The following INTS3 variants were observed in gnomAD, a reference collection of about 807,000 sequenced individuals.
The protein encoded by INTS3 is integrator complex subunit 3, also known as SOSS complex subunit A.
INTS3 carries 34 observed loss-of-function variants against 146.3 expected under a neutral mutation model. The observed-to-expected ratio is 0.23, with a 90% confidence interval of 0.18 to 0.31. INTS3 has a LOEUF of 0.31. Ranked by LOEUF, INTS3 falls within the 10% of genes least tolerant of loss-of-function variation. The probability of loss-of-function intolerance (pLI) is 1.00; values close to 1 mark genes in which losing one functional copy is unlikely to be tolerated. For missense variants in INTS3, 757 were observed against 1,304.2 expected (o/e 0.58, Z 6.46); for synonymous variants, 475 against 494.9 (o/e 0.96, Z 0.53).
In INTS3 at chr1:153,772,434, C is replaced by T; in HGVS notation, c.2815C>T (p.Gln939Ter). 6.2e-7 allele frequency: 1 copy of T among 1,614,192 alleles called. No homozygotes were observed. Among genetic ancestry groups the T allele is most frequent in the Non-Finnish European group, 8.5e-7 (1 of 1,180,042 alleles). Residue 939 changes from glutamine to a stop codon, truncating the protein, a stop_gained, in exon 27 of 30, where the codon CAG becomes TAG. Coordinates refer to ENST00000318967, the MANE Select transcript of INTS3 (RefSeq NM_023015.5). LOFTEE classifies it high-confidence loss of function. The surrounding 1 kb of genome is among the most constrained non-coding windows in gnomAD (Gnocchi z 4.6). ...GCGGCTCAACCTGACCAACACCAAG[C>T]AGAACTGTATGCCTTCCACCCTCGG... Reference protein sequence around the residue: ...NLRLNLTNTKQNFFSQTPILQ... With the variant: ...NLRLNLTNTK
rs984475247 is a variant in INTS3, at chr1:153,764,768, C to T, written c.1970+34C>T. ...GCAGCTATAGGAGATACTGTTCTAC[C>T]CTCCATCCTCCCTGACAGCACACAC... On this transcript the variant is annotated intron_variant, in intron 19 of 29. Transcript: ENST00000318967. 15 of 1,567,550 alleles carry T rather than the reference C, an allele frequency of 9.6e-6. No homozygotes were observed. The Admixed American group carries it at 1.8e-4, about 19-fold the overall frequency.
chr1:153,742,483 T>TGTGTGTGTGTGC (rs1184153088), intron 3 of INTS3, among the ~76,000 whole-genome samples: 1 of 147,778 alleles, frequency 6.8e-6, no homozygotes, highest in African/African-American at 2.5e-5. Context: ...AATCTCTGTG[T>TGTGTGTGTGTGC]GTGTGTGTGT....
chr1:153,767,843 C>T lies in INTS3; in HGVS notation c.2244+16C>T, dbSNP rs760003446. The T allele has an allele frequency of 5.2e-5, 82 of 1,591,044 alleles. No homozygotes were observed. The highest frequency in any genetic ancestry group is 6.4e-5 in the Non-Finnish European group (75 of 1,166,956). ...CTACACAGAGGTCAGTGCCTGCATC[C>T]GTATCTGTGCCGGGGGGCTCACAGG... On this transcript the variant is annotated intron_variant, in intron 21 of 29. Transcript: ENST00000318967.
Position 153,767,750 on chromosome 1 carries a change from C to T in INTS3, c.2167C>T (p.Leu723=). The T allele has an allele frequency of 6.2e-7, 1 of 1,613,468 alleles. No homozygotes were observed. Among genetic ancestry groups the T allele is most frequent in the Non-Finnish European group, 8.5e-7 (1 of 1,179,686 alleles). The change falls in exon 21 of 30, where the codon CTG becomes TTG. Residue 723 remains leucine, a synonymous_variant. Coordinates refer to ENST00000318967, the MANE Select transcript of INTS3 (RefSeq NM_023015.5). The stretch of plus-strand genomic sequence containing the variant: ...CCAGCTGGGCGATCTGCACACCTGC[C>T]TGATGATGGACATGAAGGCCTGCCA... ...ATQLGDLHTC[L]MMDMKACQED... is the part of the protein sequence containing the mutation.
At chr1:153,753,808 A>T (rs935876200) in intron 8 of INTS3, 1 of 152,214 alleles carries the variant, frequency 6.6e-6, no homozygotes, top group African/African-American at 2.4e-5. Flanking sequence ...GGCACCTGCC[A>T]TCATGCCCAG....
intron 1 of INTS3, among the ~76,000 whole-genome samples, chr1:153,736,761 C>CTTTT (rs5777880): frequency 3.6e-4 from 34 of 94,040 alleles, no homozygotes; most frequent in African/African-American, 4.8e-4. Flanking sequence ...GTCTTTCATT[C>CTTTT]TTTTTTTTTT....
At chr1:153,769,389 C>T (rs1158953430) in intron 22 of INTS3, among the ~76,000 whole-genome samples, 5 of 152,130 alleles carry the variant, frequency 3.3e-5, no homozygotes, top group African/African-American at 1.2e-4. Flanking sequence ...CATTTCTCCT[C>T]CTCTCCACTT....
intron 8 of INTS3, among the ~76,000 whole-genome samples, chr1:153,753,472 G>A (rs890396122): frequency 9.2e-5 from 14 of 151,410 alleles, no homozygotes; most frequent in Admixed American, 1.3e-4. Flanking sequence ...CAAGAGAATC[G>A]CTTGAACCCA....
chr1:153,736,278 G>T (rs560066073), intron 1 of INTS3, among the ~76,000 whole-genome samples: 1 of 152,094 alleles, frequency 6.6e-6, no homozygotes, highest in Admixed American at 6.6e-5. Flanking sequence ...ATATTAAGTT[G>T]TAATAAGTGG....
At chr1:153,765,197 G>A in intron 20 of INTS3, 134 bp downstream of exon 20, 1 of 923,306 alleles carries the variant, frequency 1.1e-6, no homozygotes, top group Non-Finnish European at 1.7e-6. Context: ...GAGTTGGTTT[G>A]TTTTTAAGAG....
chr1:153,741,007 T>A (rs957744785), intron 2 of INTS3, among the ~76,000 whole-genome samples: 2 of 152,192 alleles, frequency 1.3e-5, no homozygotes, highest in Non-Finnish European at 1.5e-5. Flanking sequence ...CAGGCATGAT[T>A]ATAGTGCACT....
chr1:153,772,926 T>C lies in INTS3; in HGVS notation c.2896T>C (p.Phe966Leu). 1 of 1,614,082 alleles carries C rather than the reference T, an allele frequency of 6.2e-7. No homozygotes were observed. Among genetic ancestry groups the C allele is most frequent in the South Asian group, 1.1e-5 (1 of 91,078 alleles). The part of the protein sequence containing the change: ...ASCDEAHKMK[F>L]SDLFSLAEEY... Reference sequence around the variant, plus strand: ...AGAGCTACCGCTCCTTTTCCTTAGATTCAGTGATCTCTTCTCCCTGGCGGA... The same window carrying C: ...AGAGCTACCGCTCCTTTTCCTTAGACTCAGTGATCTCTTCTCCCTGGCGGA... The change falls in exon 29 of 30, where the codon TTC becomes CTC. Residue 966 changes from phenylalanine to leucine, a missense_variant and splice_region_variant. Around this residue, in one of 8 missense-constraint regions of INTS3, gnomAD observed 125 missense variants for 165.6 expected, o/e 0.75. Coordinates refer to ENST00000318967, the MANE Select transcript of INTS3 (RefSeq NM_023015.5). This position sits in a 1 kb window ranked among gnomAD's most constrained non-coding sequence, Gnocchi z 4.6.
chr1:153,736,760 T>TC (rs1671306595), intron 1 of INTS3, among the ~76,000 whole-genome samples: 1 of 102,826 alleles, frequency 9.7e-6, no homozygotes, highest in Non-Finnish European at 1.9e-5. Flanking sequence ...TGTCTTTCAT[T>TC]CTTTTTTTTT....
chr1:153,755,244 G>T (rs560830395), intron 9 of INTS3, among the ~76,000 whole-genome samples: 64 of 152,018 alleles, frequency 4.2e-4, no homozygotes, highest in African/African-American at 1.4e-3. Flanking sequence ...TGAGGAATTT[G>T]TGGGGTTTTT....
At chr1:153,760,238 A>G in intron 11 of INTS3, 73 bp from the exon 12 acceptor site, 1 of 803,420 alleles carries the variant, frequency 1.2e-6, no homozygotes, top group Non-Finnish European at 1.8e-6. Flanking sequence ...GTTTCAAAAA[A>G]AAAAAAAAAA....
chr1:153,742,862 G>A (rs543988010), intron 3 of INTS3, among the ~76,000 whole-genome samples: 27 of 152,348 alleles, frequency 1.8e-4, no homozygotes, highest in African/African-American at 6.3e-4. Context: ...TGAAGCATTT[G>A]CCTCGGGTCT....
At chr1:153,763,187 C>G (rs1261829639) in intron 15 of INTS3, 46 bp from the exon 16 acceptor site, 1 of 1,613,290 alleles carries the variant, frequency 6.2e-7, no homozygotes, top group Non-Finnish European at 8.5e-7. Flanking sequence ...GTCTCTGTTG[C>G]TGGCATCTGG....
chr1:153,742,478 C>CTGTGTGTGTGTGTGTGTGTGTGTGTG (rs35008806), intron 3 of INTS3, among the ~76,000 whole-genome samples: 204 of 147,538 alleles, frequency 1.4e-3, no homozygotes, highest in African/African-American at 4.9e-3. Flanking sequence ...TTTTTAATCT[C>CTGTGTGTGTGTGTGTGTGTGTGTGTG]TGTGTGTGTG....
At chr1:153,759,302 A>C (rs979463524) in intron 10 of INTS3, among the ~76,000 whole-genome samples, 1 of 150,632 alleles carries the variant, frequency 6.6e-6, no homozygotes, top group Non-Finnish European at 1.5e-5. Flanking sequence ...TTCGGGGGGT[A>C]CCTGGCCCAA....
Sources: allele counts gnomAD v4.1 joint callset (sites outside exome capture counted in the v4.1 genomes callset), GRCh38; gene constraint gnomAD v4.1.1; regional missense constraint gnomAD v4.1.1; non-coding constraint Gnocchi (gnomAD v3.1); transcripts MANE v1.5; gene names NCBI Gene and HGNC (gene_info 2026-07-23, HGNC 2026-07-21).